The following MYO1E variants were observed in gnomAD, a reference collection of about 807,000 sequenced individuals.
The protein encoded by MYO1E is myosin IE.
Under a neutral mutation model 151.1 loss-of-function variants are expected in MYO1E, and 68 were observed. The ratio of observed to expected loss-of-function variants is 0.45; its 90% CI spans 0.37 to 0.55. The LOEUF (loss-of-function observed/expected upper bound fraction) is 0.55, where lower values mean the gene tolerates loss of function less well. MYO1E is among the 20% of genes least tolerant of loss of function. The probability of loss-of-function intolerance (pLI) is 0.00; values close to 1 mark genes in which losing one functional copy is unlikely to be tolerated. For synonymous variants in MYO1E, 601 were observed against 501.7 expected, an observed-to-expected ratio of 1.20 and a Z score of -2.64; for missense variants, 1,363 against 1,389.3, an observed-to-expected ratio of 0.98 and a Z score of 0.30.
intron 14 of MYO1E, chr15:59,207,982 G>A (rs138005367): frequency 5.6e-6 from 9 of 1,613,900 alleles, no homozygotes; most frequent in South Asian, 2.2e-5. Flanking sequence ...GGGAGAGAAC[G>A]GTATTACCAA....
chr15:59,344,429 C>A (rs142155966), intron 1 of MYO1E, among the ~76,000 whole-genome samples: 74 of 152,268 alleles, frequency 4.9e-4, no homozygotes, highest in African/African-American at 1.8e-3. Context: ...AAAAGCACCC[C>A]TATGGCCACC....
At chr15:59,319,243 G>A (rs758572752) in intron 1 of MYO1E, among the ~76,000 whole-genome samples, 9 of 152,134 alleles carry the variant, frequency 5.9e-5, no homozygotes, top group East Asian at 1.9e-4. Flanking sequence ...CCCAGAAGCC[G>A]GAGGTTGCAG....
chr15:59,362,746 T>C (rs1219885965), intron 1 of MYO1E, among the ~76,000 whole-genome samples: 1 of 152,240 alleles, frequency 6.6e-6, no homozygotes, highest in African/African-American at 2.4e-5. Context: ...GATAATACTG[T>C]CCAAAATATT....
At chr15:59,252,361 T>C (rs2140368175) in intron 4 of MYO1E, among the ~76,000 whole-genome samples, 1 of 152,196 alleles carries the variant, frequency 6.6e-6, no homozygotes, top group East Asian at 1.9e-4. Context: ...GGTAGGCAGA[T>C]AACTTGAGGT....
chr15:59,168,259 T>C (rs78210281), intron 22 of MYO1E, among the ~76,000 whole-genome samples: 14,970 of 152,044 alleles, frequency 0.098, 783 homozygotes, highest in Middle Eastern at 0.16. Flanking sequence ...ACAAGTAGGA[T>C]AGTAGGGCCA....
At chr15:59,150,605 G>A (rs1247703013) in intron 26 of MYO1E, among the ~76,000 whole-genome samples, 1 of 152,176 alleles carries the variant, frequency 6.6e-6, no homozygotes, top group African/African-American at 2.4e-5. Context: ...GTGGGATTGT[G>A]ACTTAGTGAT....
In MYO1E at chr15:59,261,474, A is replaced by C. The variant is rs1347050739; in HGVS notation, c.183T>G (p.Pro61=). The C allele has an allele frequency of 3.1e-6, 5 of 1,610,700 alleles. No individual in the cohort carries two copies. Among genetic ancestry groups the C allele is most frequent in the Non-Finnish European group, 4.2e-6 (5 of 1,177,082 alleles). The change falls in exon 3 of 28, where the codon CCT becomes CCG. Residue 61 remains proline, a synonymous_variant. Coordinates refer to ENST00000288235, the MANE Select transcript of MYO1E (RefSeq NM_004998.4). ...YIGSVLISVN[P]FKQMPYFGEK... ...CCCCAAAATATGGCATCTGCTTGAA[A>C]GGGTTGACTGAGATTAATACAGATC... is the stretch of plus-strand genomic sequence containing the variant.
intron 1 of MYO1E, among the ~76,000 whole-genome samples, chr15:59,285,532 TTTTTG>T (rs1262270828): frequency 6.6e-6 from 1 of 151,820 alleles, no homozygotes; most frequent in African/African-American, 2.4e-5. Context: ...AGCTAATTCT[TTTTTG>T]TGTGTGTTTT....
intron 1 of MYO1E, among the ~76,000 whole-genome samples, chr15:59,302,167 A>C (rs972068591): frequency 6.6e-6 from 1 of 152,204 alleles, no homozygotes; most frequent in Non-Finnish European, 1.5e-5. Flanking sequence ...GTTAGAAAAG[A>C]GTACACCTTG....
Position 59,158,300 on chromosome 15 carries a change from G to A in MYO1E, c.2865C>T (p.Ala955=). 6.4e-7 allele frequency: 1 copy of A among 1,574,012 alleles called. No homozygotes were observed. The highest frequency in any genetic ancestry group is 8.6e-7 in the Non-Finnish European group (1 of 1,157,454). ...TQNANYPVRA[A]PPPPGYHQNG... is the part of the protein sequence containing the mutation. ...TAGCTGGCTTACCTGGGGGAGGAGG[G>A]GCAGCTCTCACTGGGTAGTTGGCAT... Residue 955 remains alanine, a synonymous_variant, in exon 25 of 28, where the codon GCC becomes GCT. Transcript: ENST00000288235.
At position 59,210,603 on chromosome 15, in the gene MYO1E, G is replaced by C; in HGVS notation, c.1276-3C>G. On this transcript the variant is annotated splice_polypyrimidine_tract_variant and splice_region_variant and intron_variant, in intron 12 of 27. Transcript: ENST00000288235. The stretch of plus-strand genomic sequence containing the variant: ...ATTCCCTCTTGAACATATTCTTCCT[G>C]TAACACAGAGACAAGGAACTCACAT... 1.9e-6 allele frequency: 3 copies of C among 1,572,750 alleles called. No homozygotes were observed. Among genetic ancestry groups the C allele is most frequent in the Non-Finnish European group, 1.8e-6 (2 of 1,142,416 alleles).
chr15:59,165,132 T>C (rs1362568698), intron 22 of MYO1E, among the ~76,000 whole-genome samples: 2 of 152,204 alleles, frequency 1.3e-5, no homozygotes, highest in African/African-American at 4.8e-5. Flanking sequence ...ACTGTTTACA[T>C]ATTACCCACT....
intron 1 of MYO1E, among the ~76,000 whole-genome samples, chr15:59,282,463 G>A (rs976644152): frequency 6.6e-6 from 1 of 151,960 alleles, no homozygotes; most frequent in African/African-American, 2.4e-5. Flanking sequence ...AGTGCTTCCC[G>A]TAAGCATTAC....
At position 59,132,760 on chromosome 15, in the gene MYO1E, A is replaced by G. The variant is rs2079352483; in HGVS notation, c.*4620T>C. 6.6e-6 allele frequency: 1 copy of G among 152,176 alleles called. No individual in the cohort carries two copies. 9.4% of individuals were successfully genotyped at this position (152,176 alleles called of 1,614,324 possible). ...AAGTGGGGATAAGAGTGTCTCCCTC[A>G]TAGGGTGGTGCTAAGTAAAGTATGC... On this transcript the variant is annotated 3_prime_UTR_variant, in exon 28 of 28. Coordinates refer to ENST00000288235, the MANE Select transcript of MYO1E (RefSeq NM_004998.4).
At chr15:59,249,687 A>C (rs1012959524) in intron 4 of MYO1E, among the ~76,000 whole-genome samples, 1 of 152,206 alleles carries the variant, frequency 6.6e-6, no homozygotes, top group Non-Finnish European at 1.5e-5. Flanking sequence ...TAATTAAATG[A>C]CACTAAAGAT....
chr15:59,318,615 A>G (rs2080604457), intron 1 of MYO1E, among the ~76,000 whole-genome samples: 1 of 152,192 alleles, frequency 6.6e-6, no homozygotes, highest in South Asian at 2.1e-4. Context: ...GTTACAAAAG[A>G]GGAAGATGTT....
intron 26 of MYO1E, among the ~76,000 whole-genome samples, chr15:59,141,136 G>T (rs1273694511): frequency 1.3e-5 from 2 of 152,170 alleles, no homozygotes; most frequent in African/African-American, 4.8e-5. Context: ...CAGCAACAAG[G>T]AATGAAAGGG....
At chr15:59,146,888 A>G (rs1402154139) in intron 26 of MYO1E, among the ~76,000 whole-genome samples, 2 of 152,138 alleles carry the variant, frequency 1.3e-5, no homozygotes, top group Admixed American at 6.5e-5. Flanking sequence ...TCTATTACCA[A>G]TTAACATAAA....
chr15:59,324,861 T>G lies in MYO1E; in HGVS notation c.3+47637A>C, dbSNP rs151320569. On this transcript the variant is annotated intron_variant, in intron 1 of 27. Transcript: ENST00000288235. ...ATTAAGACACAAAGAAAAATCCAGATAGTCTCAACTACAAGTACATTTCCC... is the reference window on the plus strand; with the variant it reads ...ATTAAGACACAAAGAAAAATCCAGAGAGTCTCAACTACAAGTACATTTCCC... Among the ~76,000 whole-genome samples the G allele has an allele frequency of 9.6e-4, 145 of 151,012 alleles. 1 individual carries two copies. Among genetic ancestry groups the G allele is most frequent in the African/African-American group, 3.2e-3 (131 of 41,010 alleles).
Sources: gnomAD v4.1 joint callset for allele counts (sites outside exome capture counted in the v4.1 genomes callset) on GRCh38, gnomAD v4.1.1 for gene constraint, MANE v1.5 for transcripts, NCBI Gene and HGNC (gene_info 2026-07-23, HGNC 2026-07-21) for gene names.